Variants in BMAL1 observed in about 807,000 individuals in gnomAD.
The protein encoded by BMAL1 is basic helix-loop-helix ARNT-like protein 1.
chr11:13,365,311 A>C, the BMAL1 span: 1 of 474,056 alleles, frequency 2.1e-6, no homozygotes, highest in African/African-American at 2.0e-5. Context: ...ACACACACAC[A>C]CACACACACA....
chr11:13,373,265 A>G, the BMAL1 span, among the ~76,000 whole-genome samples: 1 of 152,148 alleles, frequency 6.6e-6, no homozygotes, highest in Non-Finnish European at 1.5e-5. Context: ...ACCTGGACCA[A>G]GGACCCAGGT....
At chr11:13,336,485 C>G in the BMAL1 span, among the ~76,000 whole-genome samples, 2 of 152,076 alleles carry the variant, frequency 1.3e-5, no homozygotes, top group African/African-American at 4.8e-5. Context: ...TGAGGCTTCT[C>G]GTGGGGGCAA....
At chr11:13,338,024 A>C in the BMAL1 span, among the ~76,000 whole-genome samples, 5 of 152,148 alleles carry the variant, frequency 3.3e-5, no homozygotes, top group Non-Finnish European at 7.4e-5. Context: ...GGTTTCTGCC[A>C]ATAGTTTTTG....
the BMAL1 span, among the ~76,000 whole-genome samples, chr11:13,367,324 C>T: frequency 2.0e-5 from 3 of 152,208 alleles, no homozygotes; most frequent in Non-Finnish European, 4.4e-5. Flanking sequence ...TGCTACTGCA[C>T]ACACTTCTGT....
At chr11:13,305,650 G>T in the BMAL1 span, among the ~76,000 whole-genome samples, 1 of 152,222 alleles carries the variant, frequency 6.6e-6, no homozygotes, top group African/African-American at 2.4e-5. Context: ...GAACAAGAGT[G>T]CTGGGAGTGC....
the BMAL1 span, among the ~76,000 whole-genome samples, chr11:13,333,601 G>A: frequency 0.013 from 2,036 of 152,246 alleles, 41 homozygotes; most frequent in African/African-American, 0.047. Context: ...GGGCATAAGG[G>A]GTCACTTCCT....
the BMAL1 span, among the ~76,000 whole-genome samples, chr11:13,377,388 A>C: frequency 2.0e-5 from 3 of 152,198 alleles, no homozygotes; most frequent in African/African-American, 7.2e-5. Context: ...TTTAAGCCAG[A>C]AACCTGGCTG....
chr11:13,284,124 G>GTGTATATATATATATATA, the BMAL1 span, among the ~76,000 whole-genome samples: 1 of 106,336 alleles, frequency 9.4e-6, no homozygotes, highest in Non-Finnish European at 1.8e-5. Flanking sequence ...ATATATGTGT[G>GTGTATATATATATATATA]TGTGTATATA....
At chr11:13,316,875 T>G in the BMAL1 span, among the ~76,000 whole-genome samples, 1 of 152,196 alleles carries the variant, frequency 6.6e-6, no homozygotes, top group Non-Finnish European at 1.5e-5. Flanking sequence ...GACGCCTGCT[T>G]CAAAGGGCAT....
the BMAL1 span, among the ~76,000 whole-genome samples, chr11:13,327,845 C>T: frequency 1.1e-5 from 1 of 87,196 alleles, no homozygotes; most frequent in Non-Finnish European, 2.5e-5. Context: ...AAATAAACGA[C>T]AAGACAAATA....
the BMAL1 span, among the ~76,000 whole-genome samples, chr11:13,295,847 G>A: frequency 7.2e-5 from 11 of 152,104 alleles, no homozygotes; most frequent in Non-Finnish European, 1.0e-4. Context: ...AAGGATATTG[G>A]GCTGGTGTTT....
At chr11:13,341,025 C>T in the BMAL1 span, among the ~76,000 whole-genome samples, 1 of 152,172 alleles carries the variant, frequency 6.6e-6, no homozygotes, top group Non-Finnish European at 1.5e-5. Flanking sequence ...CCCAAGAGGC[C>T]CCGCCCTGAC....
the BMAL1 span, chr11:13,378,642 C>G: frequency 1.6e-6 from 1 of 608,410 alleles, no homozygotes; most frequent in Non-Finnish European, 2.7e-6. Flanking sequence ...CAGGACAGTT[C>G]CCTCCTCCCC....
At chr11:13,348,852 T>G in the BMAL1 span, among the ~76,000 whole-genome samples, 2 of 152,102 alleles carry the variant, frequency 1.3e-5, no homozygotes, top group African/African-American at 4.8e-5. Context: ...CATTTGGAGA[T>G]CTCTATAGCG....
the BMAL1 span, among the ~76,000 whole-genome samples, chr11:13,385,958 T>A: frequency 6.6e-6 from 1 of 152,222 alleles, no homozygotes; most frequent in Non-Finnish European, 1.5e-5. Flanking sequence ...TTGACCAGTA[T>A]TTGAGTTTTG....
chr11:13,283,704 C>T, the BMAL1 span, among the ~76,000 whole-genome samples: 2 of 152,162 alleles, frequency 1.3e-5, no homozygotes, highest in Non-Finnish European at 2.9e-5. Context: ...TGGTATGAGC[C>T]TCTTTTAGAG....
the BMAL1 span, chr11:13,360,547 A>G: frequency 3.9e-6 from 3 of 776,534 alleles, no homozygotes; most frequent in East Asian, 2.7e-5. Flanking sequence ...TTCCTCTCTC[A>G]GGTCCCTCCC....
chr11:13,327,918 T>C, the BMAL1 span, among the ~76,000 whole-genome samples: 2 of 152,282 alleles, frequency 1.3e-5, no homozygotes, highest in African/African-American at 4.8e-5. Flanking sequence ...ATGTGCTCTT[T>C]TGTCATTGTG....
At chr11:13,381,436 C>G in the BMAL1 span, among the ~76,000 whole-genome samples, 3 of 152,150 alleles carry the variant, frequency 2.0e-5, no homozygotes, top group Non-Finnish European at 4.4e-5. Flanking sequence ...GGGAGGCTTG[C>G]TGACATCCTC....
Sources: gnomAD v4.1 joint callset for allele counts (sites outside exome capture counted in the v4.1 genomes callset) on GRCh38, gnomAD v4.1.1 for gene constraint, MANE v1.5 for transcripts, NCBI Gene and HGNC (gene_info 2026-07-23, HGNC 2026-07-21) for gene names.